Variants in VPS13B observed in about 807,000 individuals in gnomAD.
VPS13B encodes vacuolar protein sorting 13 homolog B.
In VPS13B, 285 loss-of-function variants were observed where a neutral mutation model predicts 426.4. That is an observed-to-expected ratio of 0.67 (90% CI 0.61 to 0.74). VPS13B has a LOEUF of 0.74. Among genes scored for constraint, VPS13B ranks in the 30% least tolerant of loss-of-function variants. The probability of loss-of-function intolerance (pLI) is 0.00; values close to 1 mark genes in which losing one functional copy is unlikely to be tolerated. For synonymous variants in VPS13B, 1,676 were observed against 1,676.4 expected (o/e 1.00, Z 0.01); for missense variants, 4,537 against 4,782.6 (o/e 0.95, Z 1.51).
intron 21 of VPS13B, among the ~76,000 whole-genome samples, chr8:99,425,386 C>T (rs989537447): frequency 1.3e-5 from 2 of 152,164 alleles, no homozygotes; most frequent in African/African-American, 4.8e-5. Flanking sequence ...TGGGCTTCAT[C>T]CCTGGGATGC....
intron 34 of VPS13B, among the ~76,000 whole-genome samples, chr8:99,648,919 T>A (rs1468816832): frequency 2.6e-5 from 4 of 151,842 alleles, no homozygotes; most frequent in Non-Finnish European, 4.4e-5. Flanking sequence ...CTGCTAGCAA[T>A]AAATACTGTT....
intron 19 of VPS13B, among the ~76,000 whole-genome samples, chr8:99,364,338 A>C (rs185295216): frequency 6.8e-4 from 103 of 152,176 alleles, no homozygotes; most frequent in Non-Finnish European, 1.3e-3. Context: ...ATGTTTTTTT[A>C]ATTGTATTGC....
chr8:99,533,049 C>T (rs1384378924), intron 30 of VPS13B, among the ~76,000 whole-genome samples: 1 of 150,360 alleles, frequency 6.7e-6, no homozygotes, highest in African/African-American at 2.5e-5. Flanking sequence ...AAGCGATTCT[C>T]CTCCCTCAGC....
intron 52 of VPS13B, among the ~76,000 whole-genome samples, chr8:99,833,515 G>A (rs571456684): frequency 6.6e-6 from 1 of 152,124 alleles, no homozygotes; most frequent in African/African-American, 2.4e-5. Flanking sequence ...ATTCATAATG[G>A]TAAGGTTCTG....
intron 17 of VPS13B, among the ~76,000 whole-genome samples, chr8:99,224,578 T>G (rs1815909979): frequency 6.6e-6 from 1 of 152,248 alleles, no homozygotes; most frequent in East Asian, 1.9e-4. Flanking sequence ...TGGGATTTGA[T>G]GAGGAGATGT....
intron 23 of VPS13B, among the ~76,000 whole-genome samples, chr8:99,451,862 C>T (rs1175283174): frequency 3.3e-5 from 5 of 152,156 alleles, no homozygotes; most frequent in African/African-American, 1.2e-4. Flanking sequence ...CTGTATCAAA[C>T]GGTGTTTAAA....
At chr8:99,509,441 T>G (rs1268795359) in intron 28 of VPS13B, among the ~76,000 whole-genome samples, 1 of 152,044 alleles carries the variant, frequency 6.6e-6, no homozygotes, top group Non-Finnish European at 1.5e-5. Context: ...AATACAAAAA[T>G]AATTTATTTT....
At chr8:99,283,184 G>C (rs1664945498) in intron 19 of VPS13B, among the ~76,000 whole-genome samples, 1 of 152,126 alleles carries the variant, frequency 6.6e-6, no homozygotes, top group Non-Finnish European at 1.5e-5. Flanking sequence ...TAAGTGAATT[G>C]CCTTGAAGTT....
chr8:99,167,407 T>C (rs1812069177), intron 15 of VPS13B, among the ~76,000 whole-genome samples: 1 of 152,086 alleles, frequency 6.6e-6, no homozygotes, highest in African/African-American at 2.4e-5. Context: ...TTTTATACTA[T>C]TATGTGTTTT....
intron 19 of VPS13B, among the ~76,000 whole-genome samples, chr8:99,373,334 A>C (rs559372750): frequency 6.6e-6 from 1 of 152,260 alleles, no homozygotes; most frequent in Non-Finnish European, 1.5e-5. Context: ...AAATTAAAAA[A>C]AAAAAAAGAA....
chr8:99,845,811 C>T lies in VPS13B; in HGVS notation c.9943-2965C>T, dbSNP rs72676264. ...AGGTTTTGCAGGCCTTATGTTTTCCCGACTTCTCAATAGATGGAGAGATAT... is the reference window on the plus strand; with the variant it reads ...AGGTTTTGCAGGCCTTATGTTTTCCTGACTTCTCAATAGATGGAGAGATAT... On this transcript the variant is annotated intron_variant, in intron 54 of 61. Transcript: ENST00000357162. Among the ~76,000 whole-genome samples, 1,443 of 152,166 alleles carry T rather than the reference C, an allele frequency of 9.5e-3. 14 individuals are homozygous for T. Among genetic ancestry groups the T allele is most frequent in the Non-Finnish European group, 0.015 (1,031 of 68,018 alleles).
intron 19 of VPS13B, among the ~76,000 whole-genome samples, chr8:99,299,659 C>T (rs1023503114): frequency 2.0e-5 from 3 of 151,696 alleles, no homozygotes; most frequent in Admixed American, 6.6e-5. Flanking sequence ...TGCCTGTAAT[C>T]CCAGCACTTT....
chr8:99,759,707 A>G (rs1157630120), intron 39 of VPS13B, among the ~76,000 whole-genome samples: 2 of 152,190 alleles, frequency 1.3e-5, no homozygotes, highest in African/African-American at 2.4e-5. Flanking sequence ...ACTACGTATC[A>G]GTCTTACCCA....
chr8:99,456,741 G>A (rs941804795), intron 23 of VPS13B, among the ~76,000 whole-genome samples: 3 of 152,050 alleles, frequency 2.0e-5, no homozygotes, highest in African/African-American at 7.2e-5. Flanking sequence ...CTTATTGAGG[G>A]GTTTTAGTCT....
chr8:99,103,874 G>C (rs1025902583), intron 5 of VPS13B, among the ~76,000 whole-genome samples: 1 of 152,076 alleles, frequency 6.6e-6, no homozygotes, highest in East Asian at 1.9e-4. Flanking sequence ...GAGCTCTAGC[G>C]ATTTGCCTGC....
chr8:99,649,999 C>G (rs908508945), intron 34 of VPS13B, among the ~76,000 whole-genome samples: 1 of 152,090 alleles, frequency 6.6e-6, no homozygotes, highest in Non-Finnish European at 1.5e-5. Context: ...CTTTTTGTGT[C>G]TTTTACAAGG....
chr8:99,121,366 A>G lies in VPS13B; in HGVS notation c.1127A>G (p.His376Arg), dbSNP rs1209759817. Residue 376 changes from histidine to arginine, a missense_variant, in exon 8 of 62, where the codon CAT (histidine) becomes CGT (arginine). This residue lies in a region of VPS13B where 4,311 missense variants were observed against 4,474.3 expected (regional missense o/e 0.96). Coordinates refer to ENST00000357162, the MANE Select transcript of VPS13B (RefSeq NM_152564.5). ...GGGAACGATCCTGCATCAACCATGCATCAACAAAAAGCACAGACTTTGAAG... is the reference window on the plus strand; with the variant it reads ...GGGAACGATCCTGCATCAACCATGCGTCAACAAAAAGCACAGACTTTGAAG... ...FVGNDPASTMHQQKAQTLKDP... is the reference protein window; with the variant it reads ...FVGNDPASTMRQQKAQTLKDP... The G allele has an allele frequency of 2.5e-6, 4 of 1,614,114 alleles. No individual in the cohort carries two copies. The highest frequency in any genetic ancestry group is 2.7e-5 in the African/African-American group (2 of 74,940).
At chr8:99,522,632 A>T (rs1475218733) in intron 30 of VPS13B, among the ~76,000 whole-genome samples, 1 of 152,028 alleles carries the variant, frequency 6.6e-6, no homozygotes, top group Non-Finnish European at 1.5e-5. Flanking sequence ...GCTCAGGACA[A>T]CTTGAATTCT....
chr8:99,730,536 T>C (rs1218571585), intron 39 of VPS13B, among the ~76,000 whole-genome samples: 1 of 152,018 alleles, frequency 6.6e-6, no homozygotes, highest in Non-Finnish European at 1.5e-5. Context: ...GAAAAAAAGA[T>C]CTAGGAATAC....
Sources: gnomAD v4.1 joint callset for allele counts (sites outside exome capture counted in the v4.1 genomes callset) on GRCh38, gnomAD v4.1.1 for gene constraint, gnomAD v4.1.1 regional missense constraint, MANE v1.5 for transcripts, NCBI Gene and HGNC (gene_info 2026-07-23, HGNC 2026-07-21) for gene names.